NRXN1: variants seen among roughly 807,000 people sequenced by gnomAD.
The protein encoded by NRXN1 is neurexin-1.
In NRXN1, 39 loss-of-function variants were observed where a neutral mutation model predicts 150.9. The ratio of observed to expected loss-of-function variants is 0.26; its 90% confidence interval spans 0.20 to 0.34. NRXN1 has a LOEUF of 0.34. Among genes scored for constraint, NRXN1 ranks in the 10% least tolerant of loss-of-function variants. The pLI, the probability that NRXN1 is intolerant of heterozygous loss-of-function variation, is 1.00. For missense variants in NRXN1, 1,815 were observed against 1,949.9 expected (o/e 0.93, Z 1.30); for synonymous variants, 924 against 757.0 (o/e 1.22, Z -3.62).
intron 15 of NRXN1, among the ~76,000 whole-genome samples, chr2:50,495,302 G>A (rs2091503644): frequency 6.6e-6 from 1 of 151,672 alleles, no homozygotes; most frequent in South Asian, 2.1e-4. Flanking sequence ...AGGAAGAGAA[G>A]CGTATGTTAA....
chr2:50,304,230 C>T (rs1411665955), intron 17 of NRXN1, among the ~76,000 whole-genome samples: 1 of 151,822 alleles, frequency 6.6e-6, no homozygotes, highest in Non-Finnish European at 1.5e-5. Flanking sequence ...AAAGACAAAC[C>T]CAAAATGTAC....
chr2:50,086,847 AGAGC>A (rs747174992), intron 19 of NRXN1, among the ~76,000 whole-genome samples: 2,148 of 150,752 alleles, frequency 0.014, 23 homozygotes, highest in African/African-American at 0.022. Flanking sequence ...AGAGAGAGAG[AGAGC>A]GAGCCGAAAA....
At chr2:50,921,644 C>T (rs1215942566) in intron 5 of NRXN1, among the ~76,000 whole-genome samples, 1 of 151,266 alleles carries the variant, frequency 6.6e-6, no homozygotes, top group South Asian at 2.1e-4. Context: ...TATGTGAGCA[C>T]CTGACATGAA....
chr2:50,279,591 A>G (rs1290091041), intron 17 of NRXN1, among the ~76,000 whole-genome samples: 2 of 152,216 alleles, frequency 1.3e-5, no homozygotes, highest in Admixed American at 1.3e-4. Flanking sequence ...ATGTTTACAT[A>G]AATAACATAT....
At chr2:50,823,817 A>T (rs996579380) in intron 5 of NRXN1, among the ~76,000 whole-genome samples, 3 of 152,194 alleles carry the variant, frequency 2.0e-5, no homozygotes, top group Admixed American at 6.5e-5. Context: ...TCAAACAGAG[A>T]TTTATGAGTG....
chr2:50,083,932 A>C (rs1047454884), intron 19 of NRXN1, among the ~76,000 whole-genome samples: 3 of 152,018 alleles, frequency 2.0e-5, no homozygotes, highest in Non-Finnish European at 4.4e-5. Flanking sequence ...CTAGACACAG[A>C]GCGCAGATTG....
At chr2:49,984,862 C>T (rs1416169372) in intron 21 of NRXN1, among the ~76,000 whole-genome samples, 2 of 152,148 alleles carry the variant, frequency 1.3e-5, no homozygotes, top group Non-Finnish European at 2.9e-5. Flanking sequence ...ACATGTCCAC[C>T]TAAGGACACA....
chr2:50,955,692 T>A (rs1692170187), intron 2 of NRXN1, among the ~76,000 whole-genome samples: 1 of 152,176 alleles, frequency 6.6e-6, no homozygotes. Context: ...TGAAAGCAAT[T>A]CTCTTGGATG....
At chr2:50,286,026 A>C (rs2072112997) in intron 17 of NRXN1, among the ~76,000 whole-genome samples, 2 of 152,162 alleles carry the variant, frequency 1.3e-5, no homozygotes, top group African/African-American at 4.8e-5. Flanking sequence ...TAACAGATAA[A>C]ATTGTATGTG....
chr2:50,270,350 G>A (rs2069428901), intron 17 of NRXN1, among the ~76,000 whole-genome samples: 1 of 152,080 alleles, frequency 6.6e-6, no homozygotes, highest in African/African-American at 2.4e-5. Flanking sequence ...AGATCCACTA[G>A]CTAGACTGAG....
intron 21 of NRXN1, among the ~76,000 whole-genome samples, chr2:49,953,816 T>C (rs1025512491): frequency 6.6e-6 from 1 of 152,024 alleles, no homozygotes; most frequent in African/African-American, 2.4e-5. Flanking sequence ...AGAAAACACA[T>C]GGACACCGGG....
chr2:50,882,638 C>T (rs993062281), intron 5 of NRXN1, among the ~76,000 whole-genome samples: 1 of 151,774 alleles, frequency 6.6e-6, no homozygotes, highest in African/African-American at 2.4e-5. Context: ...CACAGGTGCC[C>T]ACAGTATTTT....
chr2:50,989,606 A>T (rs1294626257), intron 2 of NRXN1, among the ~76,000 whole-genome samples: 1 of 151,992 alleles, frequency 6.6e-6, no homozygotes, highest in Non-Finnish European at 1.5e-5. Context: ...TATGAGATTC[A>T]GCCATGTTGT....
rs1055605352 is a variant in NRXN1, at chr2:50,619,918, C to T, written c.1320+104G>A. 4 of 1,011,576 alleles carry T rather than the reference C, an allele frequency of 4.0e-6. No homozygotes were observed. In the African/African-American group the frequency reaches 4.9e-5, roughly 12 times the overall value. The allele number at this position is 1,011,576 out of a possible 1,614,324, so 62.7% of individuals were successfully genotyped here. ...TAGAATATTGAATTTAAAGTTGTGC[C>T]GTTTGACTCTGGAACATCGGGTCTT... On this transcript the variant is annotated intron_variant, in intron 8 of 22. Transcript: ENST00000401669.
At chr2:50,253,627 G>A (rs1475075485) in intron 17 of NRXN1, among the ~76,000 whole-genome samples, 1 of 152,142 alleles carries the variant, frequency 6.6e-6, no homozygotes, top group Non-Finnish European at 1.5e-5. Context: ...GTAAAGGGAT[G>A]CTGAATTTTA....
At chr2:50,853,525 T>C (rs528628255) in intron 5 of NRXN1, among the ~76,000 whole-genome samples, 46 of 152,234 alleles carry the variant, frequency 3.0e-4, no homozygotes, top group Admixed American at 2.9e-3. Flanking sequence ...CAGATGTCTT[T>C]TGTAGTAACA....
chr2:50,096,914 A>C (rs914537018), intron 18 of NRXN1, among the ~76,000 whole-genome samples: 1 of 152,222 alleles, frequency 6.6e-6, no homozygotes, highest in African/African-American at 2.4e-5. Context: ...GTTTTAACTA[A>C]GATTAAGATT....
chr2:50,737,441 T>G (rs1038380395), intron 5 of NRXN1, among the ~76,000 whole-genome samples: 3 of 152,200 alleles, frequency 2.0e-5, no homozygotes, highest in African/African-American at 7.2e-5. Flanking sequence ...ATTCTCCTTT[T>G]TATCAAGAGA....
intron 17 of NRXN1, among the ~76,000 whole-genome samples, chr2:50,311,425 T>C (rs144722798): frequency 3.7e-4 from 57 of 152,186 alleles, no homozygotes. Context: ...ATTTATGGAG[T>C]ACAAGTTTTA....
Sources: allele counts gnomAD v4.1 joint callset (sites outside exome capture counted in the v4.1 genomes callset), GRCh38; gene constraint gnomAD v4.1.1; transcripts MANE v1.5; gene names NCBI Gene and HGNC (gene_info 2026-07-23, HGNC 2026-07-21).